The following CAMTA1 variants were observed in gnomAD, a reference collection of about 807,000 sequenced individuals.
CAMTA1 encodes the protein calmodulin binding transcription activator 1.
A neutral mutation model predicts 170.9 loss-of-function variants in CAMTA1; 27 were observed. The observed-to-expected ratio is 0.16, with a 90% CI of 0.12 to 0.22. The LOEUF (loss-of-function observed/expected upper bound fraction) is 0.22. Among genes scored for constraint, CAMTA1 ranks in the 10% least tolerant of loss-of-function variants. The pLI is 1.00. For missense variants in CAMTA1, 1,619 were observed against 2,217.2 expected (o/e 0.73, Z 5.42); for synonymous variants, 833 against 891.5 (o/e 0.93, Z 1.17).
At chr1:7,040,576 A>T (rs1288777308) in intron 3 of CAMTA1, among the ~76,000 whole-genome samples, 1 of 152,164 alleles carries the variant, frequency 6.6e-6, no homozygotes, top group Non-Finnish European at 1.5e-5. Flanking sequence ...TGGCACTGTC[A>T]GCTTGCCCGT....
In CAMTA1 at chr1:7,655,452, C is replaced by T. The variant is rs115143491; in HGVS notation, c.665-6274C>T. ...CACATACACAACCTATACACACATA[C>T]CTATACACAAACACACCCACCTATA... On this transcript the variant is annotated intron_variant, in intron 7 of 22. Coordinates refer to ENST00000303635, the MANE Select transcript of CAMTA1 (RefSeq NM_015215.4). Among the ~76,000 whole-genome samples, 334 of 146,422 alleles carry T rather than the reference C, an allele frequency of 2.3e-3. 2 individuals carry two copies. Among genetic ancestry groups the T allele is most frequent in the African/African-American group, 8.4e-3 (329 of 39,046 alleles).
intron 5 of CAMTA1, among the ~76,000 whole-genome samples, chr1:7,452,143 C>T (rs1725250): frequency 0.66 from 101,033 of 152,050 alleles, 33,862 homozygotes; most frequent in East Asian, 0.78. Context: ...TTCAGCACCT[C>T]GAATGGGGCC....
At chr1:6,805,988 GTTTTAGC>G (rs376467364) in intron 1 of CAMTA1, among the ~76,000 whole-genome samples, 3 of 152,110 alleles carry the variant, frequency 2.0e-5, no homozygotes, top group African/African-American at 7.2e-5. Flanking sequence ...GAGTTCTGTA[GTTTTAGC>G]TCTGACATTT....
intron 5 of CAMTA1, among the ~76,000 whole-genome samples, chr1:7,282,868 C>T (rs1408734666): frequency 3.3e-5 from 5 of 152,124 alleles, no homozygotes; most frequent in African/African-American, 9.7e-5. Context: ...TCCTAACACC[C>T]TTGTGTCTCG....
chr1:7,402,324 T>C lies in CAMTA1; in HGVS notation c.439-65506T>C, dbSNP rs146147493. On this transcript the variant is annotated intron_variant, in intron 5 of 22. Coordinates refer to ENST00000303635, the MANE Select transcript of CAMTA1 (RefSeq NM_015215.4). The stretch of plus-strand genomic sequence containing the variant: ...TTTGCCTACTCTCCCAACCCAAAAG[T>C]ACCTCTTTCTCCCCTCACCTTTCTA... 3.3e-5 allele frequency among the ~76,000 whole-genome samples: 5 copies of C among 152,258 alleles called. No homozygotes were observed. The East Asian group carries it at 7.7e-4, about 24-fold the overall frequency.
intron 5 of CAMTA1, among the ~76,000 whole-genome samples, chr1:7,304,071 AGAT>A (rs1275764868): frequency 5.3e-5 from 7 of 132,698 alleles, no homozygotes; most frequent in East Asian, 2.4e-4. Flanking sequence ...GAGGGGAGGG[AGAT>A]GAAGAGTTAT....
In CAMTA1 at chr1:7,248,265, C is replaced by G. The variant is rs1228844322; in HGVS notation, c.303-1226C>G. Among the ~76,000 whole-genome samples, 2 of 152,178 alleles carry G rather than the reference C, an allele frequency of 1.3e-5. No individual in the cohort carries two copies. Among genetic ancestry groups the G allele is most frequent in the South Asian group, 4.1e-4 (2 of 4,822 alleles). On this transcript the variant is annotated intron_variant, in intron 4 of 22. Transcript: ENST00000303635. This position sits in a 1 kb window ranked among gnomAD's most constrained non-coding sequence, Gnocchi z 4.0. ...AAAGAAAGGCGCTGGAGGGTCTTGC[C>G]CCAGCCCTGCGGGGGACAGATGGCT... is the stretch of plus-strand genomic sequence containing the variant.
At position 6,887,314 on chromosome 1, in the gene CAMTA1, A is replaced by T. The variant is rs577208911; in HGVS notation, c.234+62104A>T. Among the ~76,000 whole-genome samples the T allele has an allele frequency of 5.3e-5, 8 of 152,324 alleles. No homozygotes were observed. The East Asian group carries it at 1.5e-3, about 29-fold the overall frequency. On this transcript the variant is annotated intron_variant, in intron 3 of 22. Transcript: ENST00000303635. This position sits in a 1 kb window ranked among gnomAD's most constrained non-coding sequence, Gnocchi z 4.1. ...CCTTTAATTTTTTATTTGATCTTTTAAAAAAGTTTTGTGGCCTCTTAAAGA... is the reference window on the plus strand; with the variant it reads ...CCTTTAATTTTTTATTTGATCTTTTTAAAAAGTTTTGTGGCCTCTTAAAGA...
At chr1:7,028,344 C>T (rs1354994875) in intron 3 of CAMTA1, among the ~76,000 whole-genome samples, 4 of 152,146 alleles carry the variant, frequency 2.6e-5, no homozygotes, top group South Asian at 4.1e-4. Flanking sequence ...TGAGTCTCTG[C>T]GTGGTAGAGC....
intron 4 of CAMTA1, among the ~76,000 whole-genome samples, chr1:7,201,702 T>A (rs1349653439): frequency 1.3e-5 from 2 of 152,240 alleles, no homozygotes; most frequent in African/African-American, 4.8e-5. Context: ...GAGAAATGTC[T>A]ATTCAGAGGC....
intron 5 of CAMTA1, among the ~76,000 whole-genome samples, chr1:7,415,742 G>C (rs931363127): frequency 1.2e-4 from 18 of 152,158 alleles, no homozygotes; most frequent in African/African-American, 1.9e-4. Flanking sequence ...TTTAATTGGA[G>C]CATTTAGCCC....
chr1:7,701,787 T>C (rs1471385364), intron 11 of CAMTA1, among the ~76,000 whole-genome samples: 1 of 152,162 alleles, frequency 6.6e-6, no homozygotes, highest in East Asian at 1.9e-4. Flanking sequence ...TAACTGAGTA[T>C]TCTTTTTCTC....
chr1:7,106,243 G>A (rs567153518), intron 4 of CAMTA1, among the ~76,000 whole-genome samples: 1 of 151,080 alleles, frequency 6.6e-6, no homozygotes, highest in South Asian at 2.1e-4. Context: ...ATACACTGAG[G>A]GAGGGAGGAA....
rs116994521 is a variant in CAMTA1, at chr1:7,727,527, C to T, written c.2915-4921C>T. On this transcript the variant is annotated intron_variant, in intron 11 of 22. Transcript: ENST00000303635. ...ATTTTCACTGCTGTTCTAAGTACTCCCTACTGCCTGGTGCATACATAGTAG... is the reference window on the plus strand; with the variant it reads ...ATTTTCACTGCTGTTCTAAGTACTCTCTACTGCCTGGTGCATACATAGTAG... Among the ~76,000 whole-genome samples, 30 of 152,338 alleles carry T rather than the reference C, an allele frequency of 2.0e-4. No individual in the cohort carries two copies. In the East Asian group the frequency reaches 5.4e-3, roughly 27 times the overall value.
chr1:7,503,010 T>A (rs1048748532), intron 6 of CAMTA1, among the ~76,000 whole-genome samples: 1 of 151,814 alleles, frequency 6.6e-6, no homozygotes, highest in African/African-American at 2.4e-5. Flanking sequence ...TCCATTTGGC[T>A]CTCTACTCTC....
intron 11 of CAMTA1, among the ~76,000 whole-genome samples, chr1:7,723,902 C>A (rs2096665560): frequency 6.6e-6 from 1 of 152,212 alleles, no homozygotes; most frequent in Admixed American, 6.5e-5. Context: ...TCACTGCAAC[C>A]TCTGCCTCCT....
chr1:6,960,383 C>T (rs1441107868), intron 3 of CAMTA1, among the ~76,000 whole-genome samples: 4 of 152,180 alleles, frequency 2.6e-5, no homozygotes, highest in African/African-American at 9.6e-5. Flanking sequence ...GGAGGAGCTG[C>T]GTGTCCTCCA....
intron 4 of CAMTA1, among the ~76,000 whole-genome samples, chr1:7,165,583 C>T (rs1467914967): frequency 6.6e-6 from 1 of 152,152 alleles, no homozygotes; most frequent in Non-Finnish European, 1.5e-5. Flanking sequence ...AGGCACGCAC[C>T]ACCATGCCTG....
chr1:6,835,630 G>A (rs995359888), intron 3 of CAMTA1, among the ~76,000 whole-genome samples: 1 of 152,142 alleles, frequency 6.6e-6, no homozygotes, highest in Non-Finnish European at 1.5e-5. Flanking sequence ...CTCACTTAGA[G>A]GAAGAATCTC....
Sources: allele counts gnomAD v4.1 joint callset (sites outside exome capture counted in the v4.1 genomes callset), GRCh38; gene constraint gnomAD v4.1.1; non-coding constraint Gnocchi (gnomAD v3.1); transcripts MANE v1.5; gene names NCBI Gene and HGNC (gene_info 2026-07-23, HGNC 2026-07-21).